CHD2: variants seen among roughly 807,000 people sequenced by gnomAD.
CHD2 encodes chromodomain helicase DNA binding protein 2.
CHD2 carries 28 observed loss-of-function variants against 243.9 expected under a neutral mutation model. That is an observed-to-expected ratio of 0.11 (90% CI 0.09 to 0.16). CHD2 has a LOEUF of 0.16. CHD2 is among the 10% of genes least tolerant of loss of function. The pLI is 1.00. For missense variants in CHD2, 1,386 were observed against 2,209.8 expected (o/e 0.63, Z 7.47); for synonymous variants, 775 against 779.0 (o/e 0.99, Z 0.09).
intron 2 of CHD2, 193 bp from the exon 3 acceptor site, chr15:92,924,128 A>G (rs1007047545): frequency 2.6e-5 from 13 of 497,918 alleles, no homozygotes; most frequent in African/African-American, 2.1e-4. Flanking sequence ...AGGAAAGGGT[A>G]GCTATTGGGG....
chr15:92,932,443 T>TCCCCCCCCCCCCCCC (rs11309319), intron 5 of CHD2, among the ~76,000 whole-genome samples: 2 of 103,296 alleles, frequency 1.9e-5, no homozygotes, highest in Admixed American at 1.1e-4. Flanking sequence ...CCCTTCCCCC[T>TCCCCCCCCCCCCCCC]CCCCCCCACC....
Position 92,955,414 on chromosome 15 carries a change from T to G in CHD2, c.1720-9T>G, listed in dbSNP as rs1477478456. The G allele has an allele frequency of 6.5e-7, 1 of 1,535,786 alleles. No homozygotes were observed. The highest frequency in any genetic ancestry group is 1.4e-5 in the African/African-American group (1 of 70,902). On this transcript the variant is annotated splice_polypyrimidine_tract_variant and intron_variant, in intron 14 of 38. Transcript: ENST00000394196. Reference sequence around the variant, plus strand: ...GAAATTATGTCTTAATTATGTTTTTTTCTTATAGATACGGGAATATGAATG... The same window carrying G: ...GAAATTATGTCTTAATTATGTTTTTGTCTTATAGATACGGGAATATGAATG...
chr15:92,953,321 G>T, intron 13 of CHD2, 36 bp from the exon 14 acceptor site: 1 of 1,580,690 alleles, frequency 6.3e-7, no homozygotes, highest in South Asian at 1.1e-5. Context: ...GTGAACTAAT[G>T]ATTTTTTTGT....
Position 92,900,811 on chromosome 15 carries a change from A to T in CHD2, c.-85A>T, listed in dbSNP as rs2052518430. On this transcript the variant is annotated 5_prime_UTR_variant, in exon 1 of 39. Coordinates refer to ENST00000394196, the MANE Select transcript of CHD2 (RefSeq NM_001271.4). Reference sequence around the variant, plus strand: ...TAGATAGGACTCTTGGTTTGGACATACTACATGGATCAGGTAAGTTCACGA... The same window carrying T: ...TAGATAGGACTCTTGGTTTGGACATTCTACATGGATCAGGTAAGTTCACGA... The T allele has an allele frequency of 2.5e-6, 1 of 397,882 alleles. No individual in the cohort carries two copies. Among genetic ancestry groups the T allele is most frequent in the African/African-American group, 2.1e-5 (1 of 48,530 alleles). 24.6% of individuals were successfully genotyped at this position (397,882 alleles called of 1,614,324 possible).
chr15:92,971,568 T>A lies in CHD2; in HGVS notation c.2190-197T>A, dbSNP rs62023143. Among the ~76,000 whole-genome samples the A allele has an allele frequency of 0.011, 1,680 of 152,288 alleles. 23 individuals are homozygous for A. The highest frequency in any genetic ancestry group is 0.017 in the Non-Finnish European group (1,183 of 68,016). ...GAAATATCCAGCAGAATCTTTAACATTCCTAATTCTGACTGGAGATGTGAA... is the reference window on the plus strand; with the variant it reads ...GAAATATCCAGCAGAATCTTTAACAATCCTAATTCTGACTGGAGATGTGAA... On this transcript the variant is annotated intron_variant, in intron 17 of 38. Transcript: ENST00000394196.
At chr15:93,002,967 A>G (rs1297332571) in intron 33 of CHD2, among the ~76,000 whole-genome samples, 1 of 152,234 alleles carries the variant, frequency 6.6e-6, no homozygotes, top group Non-Finnish European at 1.5e-5. Context: ...TATAAAATAA[A>G]CTTCTATTTA....
At chr15:92,992,362 C>CT (rs2054131019) in intron 27 of CHD2, among the ~76,000 whole-genome samples, 1 of 152,138 alleles carries the variant, frequency 6.6e-6, no homozygotes, top group Admixed American at 6.5e-5. Flanking sequence ...GGCTTGACAC[C>CT]TTTTGACAGC....
At chr15:92,977,770 A>G (rs2053929096) in intron 20 of CHD2, among the ~76,000 whole-genome samples, 1 of 152,196 alleles carries the variant, frequency 6.6e-6, no homozygotes, top group Non-Finnish European at 1.5e-5. Context: ...CAGTGTTTCT[A>G]TATTTCTCGC....
chr15:92,914,699 A>G (rs2052801727), intron 2 of CHD2, among the ~76,000 whole-genome samples: 1 of 152,158 alleles, frequency 6.6e-6, no homozygotes, highest in Non-Finnish European at 1.5e-5. Flanking sequence ...TTATACATGT[A>G]CCTTTTTCTG....
At chr15:92,967,237 A>G in intron 16 of CHD2, 88 bp from the exon 17 acceptor site, 1 of 916,604 alleles carries the variant, frequency 1.1e-6, no homozygotes, top group Non-Finnish European at 1.6e-6. Context: ...GTCTTTCCTT[A>G]TGGGAAAGAT....
In CHD2 at chr15:93,014,750, G is replaced by A; in HGVS notation, c.4747G>A (p.Ala1583Thr). Residue 1583 changes from alanine to threonine, a missense_variant, in exon 37 of 39, where the codon GCC (alanine) becomes ACC (threonine). Coordinates refer to ENST00000394196, the MANE Select transcript of CHD2 (RefSeq NM_001271.4). ...GGGTAAGAAACCATTTCGTCCAGAG[G>A]CCTCAGGCTCCAGCCGGGACTCTCT... The part of the protein sequence containing the change: ...TGGKKPFRPE[A>T]SGSSRDSLIS... The A allele has an allele frequency of 6.2e-7, 1 of 1,614,114 alleles. No individual in the cohort carries two copies. The highest frequency in any genetic ancestry group is 1.6e-4 in the Middle Eastern group (1 of 6,062).
chr15:93,004,851 A>G (rs761747664), intron 34 of CHD2, 100 bp downstream of exon 34: 4 of 1,264,968 alleles, frequency 3.2e-6, no homozygotes, highest in South Asian at 3.3e-5. Flanking sequence ...GAGCTAAGCA[A>G]TAGTACATTA....
chr15:92,929,702 G>T (rs2053129660), intron 5 of CHD2, among the ~76,000 whole-genome samples: 1 of 152,146 alleles, frequency 6.6e-6, no homozygotes, highest in South Asian at 2.1e-4. Context: ...TTTTTGGAGA[G>T]GGTGTGGATC....
At chr15:92,947,562 T>G (rs2053489775) in intron 12 of CHD2, 1 of 152,224 alleles carries the variant, frequency 6.6e-6, no homozygotes, top group African/African-American at 2.4e-5. Context: ...GAAATAGTTT[T>G]ATTTAGAAAG....
At chr15:93,010,969 AG>A (rs1272985043) in intron 35 of CHD2, among the ~76,000 whole-genome samples, 8 of 152,236 alleles carry the variant, frequency 5.3e-5, no homozygotes, top group Admixed American at 2.0e-4. Context: ...TGGTGTCCAC[AG>A]CATGCTTCAC....
At chr15:92,945,270 A>G (rs892926101) in intron 10 of CHD2, 2 of 152,380 alleles carry the variant, frequency 1.3e-5, no homozygotes, top group East Asian at 3.8e-4. Flanking sequence ...TTCAAGAGAA[A>G]ATGAGAGGGG....
intron 4 of CHD2, among the ~76,000 whole-genome samples, chr15:92,927,548 G>A (rs957122753): frequency 6.6e-6 from 1 of 152,232 alleles, no homozygotes; most frequent in South Asian, 2.1e-4. Flanking sequence ...GAATTTTTTA[G>A]TAGAGTATTA....
Position 92,927,315 on chromosome 15 carries a change from T to G in CHD2, c.366T>G (p.Phe122Leu). The G allele has an allele frequency of 1.9e-6, 3 of 1,613,436 alleles. No individual in the cohort carries two copies. The highest frequency in any genetic ancestry group is 1.7e-6 in the Non-Finnish European group (2 of 1,179,390). The change falls in exon 4 of 39, where the codon TTT becomes TTG. Residue 122 changes from phenylalanine (F) to leucine (L), a missense_variant. This residue lies in a region of CHD2 where 16 missense variants were observed against 76.0 expected (regional missense o/e 0.21). Coordinates refer to ENST00000394196, the MANE Select transcript of CHD2 (RefSeq NM_001271.4). ...SNRSRQEPSR[F>L]NIKEEASSGS... ...GAAGCAGACAAGAACCATCGCGATTTAATATTAAGGAAGAGGTAAGGAAAA... is the reference window on the plus strand; with the variant it reads ...GAAGCAGACAAGAACCATCGCGATTGAATATTAAGGAAGAGGTAAGGAAAA...
At chr15:92,930,690 C>G (rs753052509) in intron 5 of CHD2, among the ~76,000 whole-genome samples, 4 of 152,084 alleles carry the variant, frequency 2.6e-5, no homozygotes, top group African/African-American at 7.2e-5. Context: ...CCTCGGTCTC[C>G]TAGGATTACA....
Sources: allele counts gnomAD v4.1 joint callset (sites outside exome capture counted in the v4.1 genomes callset), GRCh38; gene constraint gnomAD v4.1.1; regional missense constraint gnomAD v4.1.1; transcripts MANE v1.5; gene names NCBI Gene and HGNC (gene_info 2026-07-23, HGNC 2026-07-21).